Variants in ARHGAP24 observed in about 807,000 individuals in gnomAD.
ARHGAP24 encodes Rho GTPase activating protein 24, also known as rho GTPase-activating protein 24.
ARHGAP24 carries 50 observed loss-of-function variants against 76.4 expected under a neutral mutation model. The ratio of observed to expected loss-of-function variants is 0.65; its 90% CI spans 0.52 to 0.83. The LOEUF is 0.83. Among genes scored for constraint, ARHGAP24 ranks in the 40% least tolerant of loss-of-function variants. The probability of loss-of-function intolerance (pLI) is 0.00; values close to 1 mark genes in which losing one functional copy is unlikely to be tolerated. For synonymous variants in ARHGAP24, 345 were observed against 323.3 expected, an observed-to-expected ratio of 1.07 and a Z score of -0.72; for missense variants, 930 against 914.2, an observed-to-expected ratio of 1.02 and a Z score of -0.22.
At position 85,590,204 on chromosome 4, in the gene ARHGAP24, T is replaced by G. The variant is rs866902794; in HGVS notation, c.180+19483T>G. Among the ~76,000 whole-genome samples the G allele has an allele frequency of 0.016, 1,058 of 67,388 alleles. 10 individuals carry two copies. The East Asian group carries it at 0.4, about 26-fold the overall frequency. 44.2% of individuals were successfully genotyped at this position (67,388 alleles called of 152,430 possible). ...TGCCTGCCTGCCTGCCTTCCTTCCTTCCTTCCTTCCTTCCTTCCTTCCTTC... is the reference window on the plus strand; with the variant it reads ...TGCCTGCCTGCCTGCCTTCCTTCCTGCCTTCCTTCCTTCCTTCCTTCCTTC... On this transcript the variant is annotated intron_variant, in intron 2 of 9. Transcript: ENST00000395184.
At chr4:85,671,861 C>A (rs1402619967) in intron 2 of ARHGAP24, among the ~76,000 whole-genome samples, 2 of 152,090 alleles carry the variant, frequency 1.3e-5, no homozygotes, top group Non-Finnish European at 2.9e-5. Flanking sequence ...CAGAACTATT[C>A]CTAAAAATGG....
intron 3 of ARHGAP24, among the ~76,000 whole-genome samples, chr4:85,753,943 T>C (rs775203584): frequency 6.6e-6 from 1 of 152,228 alleles, no homozygotes; most frequent in Admixed American, 6.5e-5. Context: ...TTTTGTAATA[T>C]ACAATAATAT....
chr4:85,778,740 G>A, intron 3 of ARHGAP24: 1 of 985,330 alleles, frequency 1.0e-6, no homozygotes, highest in Non-Finnish European at 1.2e-6. Flanking sequence ...TGAGAAGGAG[G>A]AGAAAGAAAA....
intron 3 of ARHGAP24, among the ~76,000 whole-genome samples, chr4:85,797,868 G>A (rs1728429351): frequency 6.6e-6 from 1 of 152,094 alleles, no homozygotes; most frequent in Non-Finnish European, 1.5e-5. Context: ...TAATTATTTC[G>A]GAGGGGAAAG....
At chr4:85,613,243 C>A (rs1444217348) in intron 2 of ARHGAP24, among the ~76,000 whole-genome samples, 1 of 152,086 alleles carries the variant, frequency 6.6e-6, no homozygotes, top group African/African-American at 2.4e-5. Flanking sequence ...TTTATGACTT[C>A]TTTTGTAGTT....
At chr4:85,679,353 C>T (rs1016420385) in intron 2 of ARHGAP24, among the ~76,000 whole-genome samples, 8 of 152,144 alleles carry the variant, frequency 5.3e-5, no homozygotes, top group Non-Finnish European at 1.2e-4. Context: ...CAAATCTCCC[C>T]CACAAAAGAC....
At chr4:85,946,795 G>T (rs1443871886) in intron 5 of ARHGAP24, among the ~76,000 whole-genome samples, 2 of 152,098 alleles carry the variant, frequency 1.3e-5, no homozygotes, top group African/African-American at 2.4e-5. Context: ...TGAACATATA[G>T]GTGTATGTGT....
chr4:85,725,205 T>C (rs577287502), intron 3 of ARHGAP24, among the ~76,000 whole-genome samples: 3 of 152,350 alleles, frequency 2.0e-5, no homozygotes, highest in Non-Finnish European at 4.4e-5. Flanking sequence ...AGGAGGACTA[T>C]ATGTATCTCC....
intron 3 of ARHGAP24, among the ~76,000 whole-genome samples, chr4:85,794,657 A>G (rs1728271881): frequency 6.6e-6 from 1 of 151,962 alleles, no homozygotes; most frequent in Admixed American, 6.6e-5. Context: ...TAATGTTTGT[A>G]TTTTCAGTAG....
intron 2 of ARHGAP24, among the ~76,000 whole-genome samples, chr4:85,619,543 A>T (rs1418330952): frequency 6.6e-6 from 1 of 151,362 alleles, no homozygotes; most frequent in African/African-American, 2.4e-5. Flanking sequence ...CTTTGGCTCT[A>T]TGGATTGCTT....
chr4:85,649,477 A>T (rs538824464), intron 2 of ARHGAP24, among the ~76,000 whole-genome samples: 1 of 151,998 alleles, frequency 6.6e-6, no homozygotes, highest in Non-Finnish European at 1.5e-5. Context: ...ACTCCCCTAC[A>T]CCACAGCCCC....
At chr4:85,988,364 C>T (rs991939934) in intron 8 of ARHGAP24, among the ~76,000 whole-genome samples, 1 of 151,560 alleles carries the variant, frequency 6.6e-6, no homozygotes, top group Admixed American at 6.6e-5. Flanking sequence ...ACATGGCATA[C>T]ATAATACATA....
At position 86,001,182 on chromosome 4, in the gene ARHGAP24, AAT is replaced by A; in HGVS notation, c.*470_*471del. The A allele has an allele frequency of 7.6e-6, 3 of 395,282 alleles. No individual in the cohort carries two copies. The highest frequency in any genetic ancestry group is 1.3e-5 in the Non-Finnish European group (3 of 224,554). 24.5% of individuals were successfully genotyped at this position (395,282 alleles called of 1,614,324 possible). A position where few individuals can be genotyped will look rare whatever the true frequency, so the allele number is the denominator to read the frequency against. Reference sequence around the variant, plus strand: ...GGAAATGAAGATAAGCAAAAATATAAATATATATATAAATATATGAGTTATTA... The same window carrying A: ...GGAAATGAAGATAAGCAAAAATATAAATATATATAAATATATGAGTTATTA... On this transcript the variant is annotated 3_prime_UTR_variant, in exon 10 of 10. Transcript: ENST00000395184.
chr4:85,859,990 T>C (rs1432842406), intron 3 of ARHGAP24, among the ~76,000 whole-genome samples: 1 of 152,116 alleles, frequency 6.6e-6, no homozygotes, highest in African/African-American at 2.4e-5. Context: ...CTGATAAGGA[T>C]TGTGCCCTAA....
intron 3 of ARHGAP24, among the ~76,000 whole-genome samples, chr4:85,813,818 TTATA>T (rs35261368): frequency 0.11 from 15,194 of 137,082 alleles, 1,223 homozygotes; most frequent in East Asian, 0.4. Context: ...TATATTTATT[TTATA>T]TATATATATA....
At chr4:85,612,453 A>T (rs74433236) in intron 2 of ARHGAP24, among the ~76,000 whole-genome samples, 5 of 113,674 alleles carry the variant, frequency 4.4e-5, no homozygotes, top group Middle Eastern at 4.5e-3. Context: ...CAAAAAAAAA[A>T]GACCAATGTA....
chr4:85,531,604 G>T (rs1357393116), intron 1 of ARHGAP24, among the ~76,000 whole-genome samples: 1 of 151,944 alleles, frequency 6.6e-6, no homozygotes, highest in Admixed American at 6.6e-5. Context: ...CCTTAATACT[G>T]GTATTTCAGT....
chr4:85,817,138 A>T (rs1014377050), intron 3 of ARHGAP24, among the ~76,000 whole-genome samples: 2 of 151,992 alleles, frequency 1.3e-5, no homozygotes, highest in Non-Finnish European at 2.9e-5. Context: ...CTCTTTATTA[A>T]GTTGAGTCCC....
intron 2 of ARHGAP24, among the ~76,000 whole-genome samples, chr4:85,592,986 C>T (rs1009898607): frequency 2.0e-5 from 3 of 151,906 alleles, no homozygotes; most frequent in Admixed American, 6.6e-5. Context: ...ATGGGATTAA[C>T]GGATCATATG....
Sources: gnomAD v4.1 joint callset for allele counts (sites outside exome capture counted in the v4.1 genomes callset) on GRCh38, gnomAD v4.1.1 for gene constraint, MANE v1.5 for transcripts, NCBI Gene and HGNC (gene_info 2026-07-23, HGNC 2026-07-21) for gene names.